The following AK7 variants were observed in gnomAD, a reference collection of about 807,000 sequenced individuals.
AK7 encodes adenylate kinase 7.
AK7 carries 78 observed loss-of-function variants against 96.6 expected under a neutral mutation model. The observed-to-expected ratio is 0.81, with a 90% confidence interval of 0.67 to 0.97. The LOEUF (loss-of-function observed/expected upper bound fraction) is 0.97. Among genes scored for constraint, AK7 ranks in the 50% least tolerant of loss-of-function variants. The pLI is 0.00. For missense variants in AK7, 855 were observed against 887.9 expected (o/e 0.96, Z 0.47); for synonymous variants, 302 against 317.2 (o/e 0.95, Z 0.51).
At chr14:96,420,353 G>A (rs949165278) in intron 4 of AK7, among the ~76,000 whole-genome samples, 2 of 151,588 alleles carry the variant, frequency 1.3e-5, no homozygotes, top group Non-Finnish European at 2.9e-5. Flanking sequence ...AAATTAGCCA[G>A]GTGTGGTGGC....
intron 5 of AK7, chr14:96,424,268 C>T (rs758403391): frequency 6.8e-5 from 28 of 414,614 alleles, no homozygotes; most frequent in Non-Finnish European, 1.1e-4. Flanking sequence ...GGCCAGGCGC[C>T]GGCGGCAGCG....
chr14:96,479,397 TTTTTAAAGAAA>T (rs1210402554), intron 15 of AK7, among the ~76,000 whole-genome samples: 1 of 151,730 alleles, frequency 6.6e-6, no homozygotes, highest in Non-Finnish European at 1.5e-5. Flanking sequence ...TTTTTTTTTT[TTTTTAAAGAAA>T]TGTGTGTATG....
At chr14:96,417,895 G>C (rs1891435547) in intron 4 of AK7, among the ~76,000 whole-genome samples, 1 of 152,074 alleles carries the variant, frequency 6.6e-6, no homozygotes, top group African/African-American at 2.4e-5. Context: ...AGCAAACCAG[G>C]TGGCTAAAAG....
At position 96,399,004 on chromosome 14, in the gene AK7, T is replaced by A. The variant is rs540150789; in HGVS notation, c.294+741T>A. ...TTTTTTTTTATTCATCCTTCAAGAG[T>A]TGTGTCTCTTCCTCCAGGAAGCCGT... On this transcript the variant is annotated intron_variant, in intron 2 of 17. Transcript: ENST00000267584. This position sits in a 1 kb window ranked among gnomAD's most constrained non-coding sequence, Gnocchi z 4.1. 2 of 151,914 alleles carry A rather than the reference T, an allele frequency of 1.3e-5. No individual in the cohort carries two copies. The highest frequency in any genetic ancestry group is 3.9e-4 in the East Asian group (2 of 5,144). 9.4% of individuals were successfully genotyped at this position (151,914 alleles called of 1,614,324 possible). A position where few individuals can be genotyped will look rare whatever the true frequency, so the allele number is the denominator to read the frequency against.
chr14:96,453,102 T>C (rs1426958948), intron 10 of AK7, among the ~76,000 whole-genome samples: 1 of 152,080 alleles, frequency 6.6e-6, no homozygotes, highest in East Asian at 1.9e-4. Flanking sequence ...CTTAGAACCG[T>C]ATTCTCTTGG....
chr14:96,488,609 A>C lies in AK7; in HGVS notation c.*266A>C. 2.9e-6 allele frequency: 1 copy of C among 339,146 alleles called. No homozygotes were observed. Among genetic ancestry groups the C allele is most frequent in the African/African-American group, 2.1e-5 (1 of 48,396 alleles). 21.0% of individuals were successfully genotyped at this position (339,146 alleles called of 1,614,324 possible). The stretch of plus-strand genomic sequence containing the variant: ...ATATTTTATTCTTTAGTCAGATCTA[A>C]ATATACCGCTTCTGTACACTAATGT... On this transcript the variant is annotated 3_prime_UTR_variant, in exon 18 of 18. Transcript: ENST00000267584.
chr14:96,414,757 CTTTTTTTT>C, intron 4 of AK7, among the ~76,000 whole-genome samples: 1 of 100,124 alleles, frequency 1.0e-5, no homozygotes, highest in Admixed American at 1.2e-4. Context: ...AGGATTCCTT[CTTTTTTTT>C]TTTTTTTTTT....
At chr14:96,441,828 C>A (rs1892977311) in intron 6 of AK7, among the ~76,000 whole-genome samples, 1 of 151,788 alleles carries the variant, frequency 6.6e-6, no homozygotes, top group East Asian at 1.9e-4. Context: ...CAATGTCTCC[C>A]TTCTCTCCAT....
chr14:96,432,054 GT>G (rs1438436853), intron 5 of AK7, among the ~76,000 whole-genome samples: 2 of 152,070 alleles, frequency 1.3e-5, no homozygotes, highest in Non-Finnish European at 2.9e-5. Context: ...TTTAAAGTCT[GT>G]TTTATCAGTA....
intron 4 of AK7, among the ~76,000 whole-genome samples, chr14:96,419,058 T>C (rs781442905): frequency 2.6e-5 from 4 of 152,232 alleles, no homozygotes; most frequent in Non-Finnish European, 5.9e-5. Flanking sequence ...CTGATTCCAG[T>C]AGGTTTTAAC....
chr14:96,459,527 A>C (rs939405217), intron 12 of AK7, among the ~76,000 whole-genome samples: 4 of 152,096 alleles, frequency 2.6e-5, no homozygotes, highest in Admixed American at 2.6e-4. Context: ...TAAAATGTTC[A>C]GGCAAATTGA....
chr14:96,441,978 A>G (rs532856535), intron 6 of AK7, among the ~76,000 whole-genome samples: 6 of 152,278 alleles, frequency 3.9e-5, no homozygotes, highest in East Asian at 3.9e-4. Flanking sequence ...CTGGTGTCAC[A>G]TCACTGCTTA....
chr14:96,437,918 A>G lies in AK7; in HGVS notation c.690+3A>G. 6.2e-7 allele frequency: 1 copy of G among 1,611,380 alleles called. No individual in the cohort carries two copies. The highest frequency in any genetic ancestry group is 1.1e-5 in the South Asian group (1 of 90,738). On this transcript the variant is annotated splice_donor_region_variant and intron_variant, in intron 6 of 17. Coordinates refer to ENST00000267584, the MANE Select transcript of AK7 (RefSeq NM_152327.5). ...GCATGTTACACACATTTTTTAAGGT[A>G]TGGCTTTCAATGATGACGTGGAATG... is the stretch of plus-strand genomic sequence containing the variant.
At chr14:96,419,797 T>C (rs1165309938) in intron 4 of AK7, among the ~76,000 whole-genome samples, 6 of 146,582 alleles carry the variant, frequency 4.1e-5, no homozygotes, top group Admixed American at 2.0e-4. Flanking sequence ...TTCTTTTTTT[T>C]TTTTTTTTGA....
chr14:96,453,838 G>A (rs916751125), intron 10 of AK7, among the ~76,000 whole-genome samples: 12 of 152,160 alleles, frequency 7.9e-5, no homozygotes, highest in Non-Finnish European at 1.6e-4. Flanking sequence ...TTGGTCCGTG[G>A]ACAAATGAGA....
intron 5 of AK7, among the ~76,000 whole-genome samples, chr14:96,434,402 T>C (rs551435331): frequency 2.2e-4 from 33 of 147,264 alleles, no homozygotes; most frequent in African/African-American, 8.2e-4. Flanking sequence ...TCTCCAAATA[T>C]ACAGTCTCTC....
chr14:96,398,544 T>C, intron 2 of AK7: 1 of 430,844 alleles, frequency 2.3e-6, no homozygotes. Flanking sequence ...TATTCTGCCT[T>C]GCATTATCCA....
chr14:96,480,067 T>A (rs945046005), intron 15 of AK7, among the ~76,000 whole-genome samples: 1 of 152,184 alleles, frequency 6.6e-6, no homozygotes, highest in Non-Finnish European at 1.5e-5. Flanking sequence ...CCTGGCACAT[T>A]GAAGGAGTTC....
intron 10 of AK7, 54 bp from the exon 11 acceptor site, chr14:96,456,293 T>A (rs1288737806): frequency 1.5e-6 from 2 of 1,322,842 alleles, no homozygotes; most frequent in Non-Finnish European, 2.1e-6. Flanking sequence ...CCACTCTGTC[T>A]AGCTACAGAT....
Sources: allele counts gnomAD v4.1 joint callset (sites outside exome capture counted in the v4.1 genomes callset), GRCh38; gene constraint gnomAD v4.1.1; non-coding constraint Gnocchi (gnomAD v3.1); transcripts MANE v1.5; gene names NCBI Gene and HGNC (gene_info 2026-07-23, HGNC 2026-07-21).